The following SF3B1 variants were observed in gnomAD, a reference collection of about 807,000 sequenced individuals.
The protein encoded by SF3B1 is pre-mRNA processing 10.
A neutral mutation model predicts 153.8 loss-of-function variants in SF3B1; 12 were observed. The ratio of observed to expected loss-of-function variants is 0.08; its 90% CI spans 0.05 to 0.13. The LOEUF (loss-of-function observed/expected upper bound fraction) is 0.13, where lower values mean the gene tolerates loss of function less well. Among genes scored for constraint, SF3B1 ranks in the 10% least tolerant of loss-of-function variants. SF3B1 has a pLI of 1.00. For synonymous variants in SF3B1, 498 were observed against 525.2 expected (o/e 0.95, Z 0.71); for missense variants, 513 against 1,606.1 (o/e 0.32, Z 11.63).
At chr2:197,408,740 T>C (rs1297080527) in intron 7 of SF3B1, 159 bp from the exon 8 acceptor site, 2 of 606,952 alleles carry the variant, frequency 3.3e-6, no homozygotes, top group African/African-American at 1.9e-5. Context: ...CTGATCAACA[T>C]GATGAAACTC....
chr2:197,404,869 T>C, intron 11 of SF3B1: 1 of 430,090 alleles, frequency 2.3e-6, no homozygotes, highest in South Asian at 3.4e-5. Flanking sequence ...GGTGAAAAAA[T>C]TAAAAACATT....
At position 197,401,223 on chromosome 2, in the gene SF3B1, G is replaced by T. The variant is rs574377724; in HGVS notation, c.2496+177C>A. ...AATTCACAGTTAAGTATTAATCCTC[G>T]AATCCAAAATCAAAATGGAAGTTAA... On this transcript the variant is annotated intron_variant, in intron 17 of 24. Coordinates refer to ENST00000335508, the MANE Select transcript of SF3B1 (RefSeq NM_012433.4). The surrounding 1 kb of genome is among the most constrained non-coding windows in gnomAD (Gnocchi z 4.2). 2.0e-5 allele frequency among the ~76,000 whole-genome samples: 3 copies of T among 152,060 alleles called. No individual in the cohort carries two copies. The highest frequency in any genetic ancestry group is 4.4e-5 in the Non-Finnish European group (3 of 67,990).
chr2:197,428,868 C>T (rs1359757145), intron 1 of SF3B1, among the ~76,000 whole-genome samples: 1 of 151,874 alleles, frequency 6.6e-6, no homozygotes, highest in Admixed American at 6.6e-5. Flanking sequence ...GCACTCTGGC[C>T]TGGGCAACAA....
chr2:197,418,889 T>C, intron 4 of SF3B1: 1 of 1,588,294 alleles, frequency 6.3e-7, no homozygotes, highest in Non-Finnish European at 8.6e-7. Context: ...TAATCCGGAA[T>C]ACGTACACTT....
At chr2:197,434,768 A>G (rs1219723353) in intron 1 of SF3B1, among the ~76,000 whole-genome samples, 3 of 152,204 alleles carry the variant, frequency 2.0e-5, no homozygotes, top group Non-Finnish European at 4.4e-5. Context: ...ACACTGAACA[A>G]AGCGCCTGTC....
rs1000533965 is a variant in SF3B1 at position 197,400,246 on chromosome 2, G to A, written c.2901+6C>T. On this transcript the variant is annotated splice_donor_region_variant and intron_variant, in intron 19 of 24. Transcript: ENST00000335508. The surrounding 1 kb of genome is among the most constrained non-coding windows in gnomAD (Gnocchi z 5.0). ...GAAGAAGTAAGAATTTGATGCAAAA[G>A]TTTACCTCTTGACAAGTCTTCATGA... is the stretch of plus-strand genomic sequence containing the variant. 6.2e-7 allele frequency: 1 copy of A among 1,612,994 alleles called. No individual in the cohort carries two copies. Among genetic ancestry groups the A allele is most frequent in the African/African-American group, 1.3e-5 (1 of 74,874 alleles).
At chr2:197,410,084 T>C (rs1398935974) in intron 6 of SF3B1, 77 bp from the exon 7 acceptor site, 2 of 1,034,320 alleles carry the variant, frequency 1.9e-6, no homozygotes, top group African/African-American at 1.6e-5. Context: ...TAAAAAACTT[T>C]AAACGAAAAA....
At chr2:197,392,835 G>A in intron 24 of SF3B1, 137 bp downstream of exon 24, 1 of 623,858 alleles carries the variant, frequency 1.6e-6, no homozygotes. Flanking sequence ...TAGATGACAG[G>A]TTGATAGGTG....
At chr2:197,405,025 TA>T (rs773598532) in intron 11 of SF3B1, 50 bp downstream of exon 11, 18 of 1,281,216 alleles carry the variant, frequency 1.4e-5, no homozygotes, top group Non-Finnish European at 2.0e-5. Flanking sequence ...AAATTTTTTT[TA>T]ATTAAATAAA....
At chr2:197,392,546 T>A (rs2105974046) in intron 24 of SF3B1, 85 bp from the exon 25 acceptor site, 1 of 236,090 alleles carries the variant, frequency 4.2e-6, no homozygotes, top group Non-Finnish European at 7.5e-6. Context: ...AAGATATGAT[T>A]CAAAATTATT....
intron 1 of SF3B1, among the ~76,000 whole-genome samples, chr2:197,432,889 A>C (rs1369129966): frequency 1.3e-5 from 2 of 152,238 alleles, no homozygotes; most frequent in Non-Finnish European, 2.9e-5. Flanking sequence ...AAATAAAAAA[A>C]GAAATGTTTG....
At chr2:197,393,852 A>G (rs1305951675) in intron 23 of SF3B1, among the ~76,000 whole-genome samples, 4 of 152,202 alleles carry the variant, frequency 2.6e-5, no homozygotes, top group Non-Finnish European at 5.9e-5. Flanking sequence ...CATATGAATA[A>G]TAAACAGTAA....
intron 9 of SF3B1, among the ~76,000 whole-genome samples, chr2:197,406,656 G>A (rs1224293669): frequency 6.6e-6 from 1 of 152,146 alleles, no homozygotes; most frequent in Non-Finnish European, 1.5e-5. Context: ...AAGACATGCA[G>A]GCAGTCAACA....
chr2:197,424,718 A>G (rs2085304385), intron 1 of SF3B1, among the ~76,000 whole-genome samples: 1 of 152,188 alleles, frequency 6.6e-6, no homozygotes, highest in South Asian at 2.1e-4. Context: ...TTTGCAAAGT[A>G]ATGTTTTGTT....
intron 22 of SF3B1, 136 bp downstream of exon 22, chr2:197,397,849 G>T: frequency 1.8e-6 from 1 of 552,272 alleles, no homozygotes; most frequent in Non-Finnish European, 3.1e-6. Context: ...GAAGGTCAGT[G>T]GTTAAATGAA....
intron 20 of SF3B1, chr2:197,398,850 A>T: frequency 2.1e-6 from 1 of 484,888 alleles, no homozygotes. Flanking sequence ...TGATTCTGAA[A>T]TATATTTGTG....
chr2:197,421,388 T>C (rs1403034560), intron 2 of SF3B1, among the ~76,000 whole-genome samples: 1 of 152,222 alleles, frequency 6.6e-6, no homozygotes, highest in African/African-American at 2.4e-5. Flanking sequence ...TAAGATAAAG[T>C]AGGTATGGAC....
chr2:197,410,964 G>A (rs1323984819), intron 6 of SF3B1, among the ~76,000 whole-genome samples: 4 of 151,882 alleles, frequency 2.6e-5, no homozygotes, highest in Non-Finnish European at 5.9e-5. Flanking sequence ...TTTGACACAG[G>A]GTCTCACTCT....
At position 197,400,027 on chromosome 2, in the gene SF3B1, A is replaced by T. The variant is rs1416648115; in HGVS notation, c.3013+28T>A. ...GAAAAAGAAAGTTAAAACAAGAAAA[A>T]GTCTTATGTAACCAGCAAATTCCAT... On this transcript the variant is annotated intron_variant, in intron 20 of 24. Transcript: ENST00000335508. The surrounding 1 kb of genome is among the most constrained non-coding windows in gnomAD (Gnocchi z 5.0). 1 of 1,380,014 alleles carries T rather than the reference A, an allele frequency of 7.2e-7. No individual in the cohort carries two copies. Among genetic ancestry groups the T allele is most frequent in the Admixed American group, 2.1e-5 (1 of 48,302 alleles). The allele number at this position is 1,380,014 out of a possible 1,614,324, so 85.5% of individuals were successfully genotyped here.
Sources: allele counts gnomAD v4.1 joint callset (sites outside exome capture counted in the v4.1 genomes callset), GRCh38; gene constraint gnomAD v4.1.1; non-coding constraint Gnocchi (gnomAD v3.1); transcripts MANE v1.5; gene names NCBI Gene and HGNC (gene_info 2026-07-23, HGNC 2026-07-21).